The following NCK2 variants were observed in gnomAD, a reference collection of about 807,000 sequenced individuals.
The protein encoded by NCK2 is cytoplasmic protein NCK2.
Under a neutral mutation model 33.9 loss-of-function variants are expected in NCK2, and 16 were observed. That is an observed-to-expected ratio of 0.47 (90% CI 0.32 to 0.72). The LOEUF (loss-of-function observed/expected upper bound fraction) is 0.72. Among genes scored for constraint, NCK2 ranks in the 30% least tolerant of loss-of-function variants. The pLI is 0.03. For synonymous variants in NCK2, 273 were observed against 239.9 expected (o/e 1.14, Z -1.27); for missense variants, 418 against 537.3 (o/e 0.78, Z 2.19).
intron 1 of NCK2, among the ~76,000 whole-genome samples, chr2:105,806,698 T>C (rs978456227): frequency 6.9e-6 from 1 of 145,286 alleles, no homozygotes; most frequent in Non-Finnish European, 1.5e-5. Context: ...GAATATCTGC[T>C]ACTTAATGAG....
At chr2:105,818,378 ATAAC>A (rs1160375952) in intron 2 of NCK2, among the ~76,000 whole-genome samples, 1 of 151,816 alleles carries the variant, frequency 6.6e-6, no homozygotes, top group South Asian at 2.1e-4. Context: ...GTATACATAT[ATAAC>A]AAACCTGCAC....
intron 2 of NCK2, among the ~76,000 whole-genome samples, chr2:105,820,910 G>T (rs138451161): frequency 1.3e-5 from 2 of 152,174 alleles, no homozygotes; most frequent in African/African-American, 2.4e-5. Context: ...TTCACAAACC[G>T]AGTCAGTTGG....
At chr2:105,803,052 C>T (rs915620048) in intron 1 of NCK2, among the ~76,000 whole-genome samples, 5 of 152,032 alleles carry the variant, frequency 3.3e-5, no homozygotes, top group African/African-American at 1.2e-4. Flanking sequence ...ACCTTGTTGT[C>T]ATTTTTCAAA....
intron 1 of NCK2, among the ~76,000 whole-genome samples, chr2:105,784,574 A>T (rs1017494978): frequency 6.6e-6 from 1 of 152,254 alleles, no homozygotes; most frequent in Non-Finnish European, 1.5e-5. Context: ...TTTACAATGT[A>T]GGTGAGCATA....
At chr2:105,844,152 T>TG (rs1272964800) in intron 2 of NCK2, among the ~76,000 whole-genome samples, 23 of 151,940 alleles carry the variant, frequency 1.5e-4, no homozygotes, top group African/African-American at 5.6e-4. Flanking sequence ...TCCTAACGGG[T>TG]GGGGGGACAT....
At chr2:105,805,274 A>G (rs1674990774) in intron 1 of NCK2, among the ~76,000 whole-genome samples, 1 of 152,204 alleles carries the variant, frequency 6.6e-6, no homozygotes, top group Non-Finnish European at 1.5e-5. Context: ...GGGAGGAAAT[A>G]GCAGACGCGA....
At chr2:105,820,886 A>G (rs1362192965) in intron 2 of NCK2, among the ~76,000 whole-genome samples, 2 of 152,226 alleles carry the variant, frequency 1.3e-5, no homozygotes, top group Non-Finnish European at 2.9e-5. Flanking sequence ...AAGTTTGAGT[A>G]AACAGGACGG....
chr2:105,852,752 C>G (rs1677114965), intron 2 of NCK2, among the ~76,000 whole-genome samples: 1 of 152,138 alleles, frequency 6.6e-6, no homozygotes, highest in South Asian at 2.1e-4. Context: ...CTTAGAAAAT[C>G]TGCCTTTATG....
intron 1 of NCK2, chr2:105,745,879 A>T (rs1268024736): frequency 6.6e-6 from 1 of 152,118 alleles, no homozygotes; most frequent in Admixed American, 6.6e-5. Context: ...TTTTGGAAAA[A>T]TTTGATATGT....
intron 4 of NCK2, among the ~76,000 whole-genome samples, chr2:105,891,530 CA>C (rs1678977065): frequency 5.4e-5 from 7 of 128,444 alleles, no homozygotes; most frequent in Non-Finnish European, 1.1e-4. Flanking sequence ...GATAAAAGAC[CA>C]ATTTTTTTTT....
chr2:105,758,286 A>G (rs1191956683), intron 1 of NCK2, among the ~76,000 whole-genome samples: 1 of 151,990 alleles, frequency 6.6e-6, no homozygotes, highest in Admixed American at 6.6e-5. Context: ...AGTAATGAAT[A>G]TTGCACATCA....
chr2:105,758,413 GTTTTTTT>G (rs574939583), intron 1 of NCK2, among the ~76,000 whole-genome samples: 1 of 132,532 alleles, frequency 7.5e-6, no homozygotes, highest in Non-Finnish European at 1.6e-5. Flanking sequence ...TGTTGTTTTT[GTTTTTTT>G]TTTTTTTTGA....
At chr2:105,768,334 G>A (rs915997197) in intron 1 of NCK2, among the ~76,000 whole-genome samples, 1 of 152,204 alleles carries the variant, frequency 6.6e-6, no homozygotes, top group Non-Finnish European at 1.5e-5. Context: ...ACACCACCTA[G>A]GTGTCCCCTA....
At chr2:105,820,646 G>A (rs763108094) in intron 2 of NCK2, among the ~76,000 whole-genome samples, 5 of 152,294 alleles carry the variant, frequency 3.3e-5, no homozygotes, top group African/African-American at 4.8e-5. Flanking sequence ...TTTGGCAAAC[G>A]CATAATCTGC....
intron 2 of NCK2, among the ~76,000 whole-genome samples, chr2:105,835,397 A>ATAT (rs1676371069): frequency 1.0e-5 from 1 of 97,454 alleles, no homozygotes; most frequent in Non-Finnish European, 2.3e-5. Context: ...ACATATATAT[A>ATAT]TATATATACG....
chr2:105,838,096 A>G (rs911828598), intron 2 of NCK2, among the ~76,000 whole-genome samples: 10 of 140,184 alleles, frequency 7.1e-5, no homozygotes, highest in African/African-American at 2.6e-4. Context: ...TTTAACTAGA[A>G]CAGTCCTTTT....
In NCK2 at chr2:105,805,023, G is replaced by A. The variant is rs534220736; in HGVS notation, c.-200-11407G>A. Among the ~76,000 whole-genome samples, 4 of 152,332 alleles carry A rather than the reference G, an allele frequency of 2.6e-5. No individual in the cohort carries two copies. The East Asian group carries it at 7.7e-4, about 29-fold the overall frequency. ...GGGGAGAAGAGTCATTTTATCCAGA[G>A]CCTGCCATGGGCCTCCCCATATGGG... On this transcript the variant is annotated intron_variant, in intron 1 of 4. Transcript: ENST00000233154.
rs543533753 is a variant in NCK2 at position 105,764,165 on chromosome 2, C to G, written c.-201+19027C>G. On this transcript the variant is annotated intron_variant, in intron 1 of 4. Coordinates refer to ENST00000233154, the MANE Select transcript of NCK2 (RefSeq NM_003581.5). ...CACGTGGGTGCATGCTGTTTGCACG[C>G]CTGTGCAATGATCCTTGGTGTGGGC... is the stretch of plus-strand genomic sequence containing the variant. Among the ~76,000 whole-genome samples, 4 of 152,366 alleles carry G rather than the reference C, an allele frequency of 2.6e-5. No individual in the cohort carries two copies. In the East Asian group the frequency reaches 7.7e-4, roughly 29 times the overall value.
chr2:105,770,704 C>G (rs541807176), intron 1 of NCK2, among the ~76,000 whole-genome samples: 1 of 152,198 alleles, frequency 6.6e-6, no homozygotes, highest in East Asian at 1.9e-4. Context: ...ATTTAGTAAT[C>G]TGAATTATTT....
Sources: gnomAD v4.1 joint callset for allele counts (sites outside exome capture counted in the v4.1 genomes callset) on GRCh38, gnomAD v4.1.1 for gene constraint, MANE v1.5 for transcripts, NCBI Gene and HGNC (gene_info 2026-07-23, HGNC 2026-07-21) for gene names.